Variants in ARID1B observed in about 807,000 individuals in gnomAD.
ARID1B encodes AT-rich interactive domain-containing protein 1B.
A neutral mutation model predicts 212.3 loss-of-function variants in ARID1B; 30 were observed. The observed-to-expected ratio is 0.14, with a 90% confidence interval of 0.11 to 0.19. ARID1B has a LOEUF of 0.19. ARID1B is among the 10% of genes least tolerant of loss of function. ARID1B has a pLI of 1.00. For synonymous variants in ARID1B, 1,402 were observed against 1,301.7 expected, an observed-to-expected ratio of 1.08 and a Z score of -1.66; for missense variants, 2,891 against 3,204.0, an observed-to-expected ratio of 0.90 and a Z score of 2.36.
chr6:156,794,570 CTTTTTTTTTTT>C lies in ARID1B; in HGVS notation c.1791+15115_1791+15125del, dbSNP rs34848808. On this transcript the variant is annotated intron_variant, in intron 1 of 19. Coordinates refer to ENST00000636930, the MANE Select transcript of ARID1B (RefSeq NM_001374828.1). ...CATGAACCATGGAGCCTGGCACATT[CTTTTTTTTTTT>C]TTTTTTTTTTTTTTTGAGACAATTT... Among the ~76,000 whole-genome samples the C allele has an allele frequency of 7.4e-5, 5 of 67,974 alleles. 1 individual carries two copies. In the East Asian group the frequency reaches 1.6e-3, roughly 22 times the overall value. The allele number at this position is 67,974 out of a possible 152,430, so 44.6% of individuals were successfully genotyped here.
chr6:157,015,301 A>T (rs893880298), intron 4 of ARID1B, among the ~76,000 whole-genome samples: 5 of 152,242 alleles, frequency 3.3e-5, no homozygotes, highest in Admixed American at 3.3e-4. Context: ...AACTGACAAT[A>T]CAGAAGTTAG....
chr6:157,136,914 A>G (rs1420969249), intron 7 of ARID1B, among the ~76,000 whole-genome samples: 1 of 151,962 alleles, frequency 6.6e-6, no homozygotes, highest in Non-Finnish European at 1.5e-5. Flanking sequence ...AATGTTGCTC[A>G]TGCCCATAAT....
chr6:157,007,345 A>G (rs139401915), intron 4 of ARID1B, among the ~76,000 whole-genome samples: 2 of 152,348 alleles, frequency 1.3e-5, no homozygotes, highest in Admixed American at 1.3e-4. Context: ...TAATGAAGAG[A>G]AAGAATCCCA....
At chr6:156,855,874 A>T (rs1165539636) in intron 2 of ARID1B, among the ~76,000 whole-genome samples, 1 of 152,226 alleles carries the variant, frequency 6.6e-6, no homozygotes, top group African/African-American at 2.4e-5. Context: ...ATGCTATCAT[A>T]CTTTTATGAA....
At chr6:157,188,695 G>GGT (rs1793148343) in intron 13 of ARID1B, among the ~76,000 whole-genome samples, 1 of 152,158 alleles carries the variant, frequency 6.6e-6, no homozygotes, top group Admixed American at 6.5e-5. Context: ...TTGGTCCACT[G>GGT]GTGTATGTGA....
At chr6:156,906,746 A>G (rs1789427275) in intron 3 of ARID1B, among the ~76,000 whole-genome samples, 1 of 151,644 alleles carries the variant, frequency 6.6e-6, no homozygotes, top group Non-Finnish European at 1.5e-5. Context: ...CCACTCCACC[A>G]TCCCTGCCTC....
intron 16 of ARID1B, 106 bp downstream of exon 16, chr6:157,196,421 G>A (rs1200595510): frequency 2.9e-5 from 40 of 1,377,828 alleles, no homozygotes; most frequent in Non-Finnish European, 3.7e-5. Flanking sequence ...ACAATATACA[G>A]TGTCCCCTTT....
At position 157,148,070 on chromosome 6, in the gene ARID1B, A is replaced by G. The variant is rs987514172; in HGVS notation, c.2762-554A>G. On this transcript the variant is annotated intron_variant, in intron 7 of 19. Coordinates refer to ENST00000636930, the MANE Select transcript of ARID1B (RefSeq NM_001374828.1). The surrounding 1 kb of genome is among the most constrained non-coding windows in gnomAD (Gnocchi z 5.6). ...AAAAAAGAAAGAAAGAAAGAAAAATATTATTCCCAACTTAGAGGAAAACTG... is the reference window on the plus strand; with the variant it reads ...AAAAAAGAAAGAAAGAAAGAAAAATGTTATTCCCAACTTAGAGGAAAACTG... Among the ~76,000 whole-genome samples the G allele has an allele frequency of 1.3e-5, 2 of 151,684 alleles. No individual in the cohort carries two copies. Among genetic ancestry groups the G allele is most frequent in the African/African-American group, 4.9e-5 (2 of 41,198 alleles).
At chr6:157,168,343 C>T (rs1316096503) in intron 9 of ARID1B, 1 of 152,080 alleles carries the variant, frequency 6.6e-6, no homozygotes, top group Non-Finnish European at 1.5e-5. Context: ...ATAAAATAGC[C>T]CTTCCTGATG....
chr6:157,122,883 T>G (rs139429305), intron 6 of ARID1B, among the ~76,000 whole-genome samples: 7,153 of 152,128 alleles, frequency 0.047, 575 homozygotes, highest in African/African-American at 0.16. Context: ...GGTTTCACCA[T>G]GTTGGCCAGG....
intron 3 of ARID1B, among the ~76,000 whole-genome samples, chr6:156,917,512 G>A (rs1790455307): frequency 6.6e-6 from 1 of 152,234 alleles, no homozygotes; most frequent in Middle Eastern, 3.4e-3. Flanking sequence ...TGATAAAAGT[G>A]TCTCAGAGGA....
intron 4 of ARID1B, chr6:156,937,775 T>C (rs1792369285): frequency 6.6e-6 from 1 of 152,218 alleles, no homozygotes; most frequent in African/African-American, 2.4e-5. Context: ...ATTTCTGTCT[T>C]GTTATGTATG....
At chr6:157,114,645 T>C (rs1787200757) in intron 6 of ARID1B, among the ~76,000 whole-genome samples, 1 of 152,040 alleles carries the variant, frequency 6.6e-6, no homozygotes, top group South Asian at 2.1e-4. Flanking sequence ...AACAGTTCTG[T>C]TTACACTTAG....
In ARID1B at chr6:157,200,213, G is replaced by A. The variant is rs1222790288; in HGVS notation, c.4480-492G>A. ...TCAGGGCAGGAGCCGTGGGATGGATGTTGGGTGACACGGGCCAGTCTGGGG... is the reference window on the plus strand; with the variant it reads ...TCAGGGCAGGAGCCGTGGGATGGATATTGGGTGACACGGGCCAGTCTGGGG... On this transcript the variant is annotated intron_variant, in intron 17 of 19. Coordinates refer to ENST00000636930, the MANE Select transcript of ARID1B (RefSeq NM_001374828.1). This position sits in a 1 kb window ranked among gnomAD's most constrained non-coding sequence, Gnocchi z 4.3. Among the ~76,000 whole-genome samples, 4 of 152,186 alleles carry A rather than the reference G, an allele frequency of 2.6e-5. No homozygotes were observed. The highest frequency in any genetic ancestry group is 4.1e-4 in the South Asian group (2 of 4,826).
intron 4 of ARID1B, among the ~76,000 whole-genome samples, chr6:157,057,312 A>G (rs1315837123): frequency 1.3e-5 from 2 of 152,240 alleles, no homozygotes; most frequent in Non-Finnish European, 2.9e-5. Flanking sequence ...AAATAATTAT[A>G]TATTTTTCTC....
At chr6:157,129,511 TG>T (rs1788384349) in intron 6 of ARID1B, among the ~76,000 whole-genome samples, 1 of 152,226 alleles carries the variant, frequency 6.6e-6, no homozygotes, top group Non-Finnish European at 1.5e-5. Flanking sequence ...GTGGTGCCAT[TG>T]CAAAAGTAAA....
intron 12 of ARID1B, among the ~76,000 whole-genome samples, chr6:157,181,894 C>CT (rs975275451): frequency 3.3e-5 from 5 of 152,184 alleles, no homozygotes; most frequent in Admixed American, 2.6e-4. Context: ...TAACCTTTGT[C>CT]TTTCTAAATA....
At chr6:156,972,881 T>A (rs2128350307) in intron 4 of ARID1B, among the ~76,000 whole-genome samples, 1 of 152,382 alleles carries the variant, frequency 6.6e-6, no homozygotes, top group South Asian at 2.1e-4. Context: ...TTTCAGTTTC[T>A]TTGTATTTTG....
chr6:156,867,468 T>C (rs528598474), intron 2 of ARID1B, among the ~76,000 whole-genome samples: 1 of 152,348 alleles, frequency 6.6e-6, no homozygotes, highest in Non-Finnish European at 1.5e-5. Flanking sequence ...GTACACTGTT[T>C]CCTGTGGAAA....
Sources: gnomAD v4.1 joint callset for allele counts (sites outside exome capture counted in the v4.1 genomes callset) on GRCh38, gnomAD v4.1.1 for gene constraint, Gnocchi (gnomAD v3.1) non-coding constraint, MANE v1.5 for transcripts, NCBI Gene and HGNC (gene_info 2026-07-23, HGNC 2026-07-21) for gene names.